Variants in HLA-DRB1 observed in about 807,000 individuals in gnomAD.
HLA-DRB1 encodes the protein major histocompatibility complex, class II, DR beta 1 precursor.
HLA-DRB1 carries 10 observed loss-of-function variants against 27.9 expected under a neutral mutation model. The observed-to-expected ratio is 0.36, with a 90% CI of 0.22 to 0.61. The LOEUF is 0.61. Among genes scored for constraint, HLA-DRB1 ranks in the 20% least tolerant of loss-of-function variants. The probability of loss-of-function intolerance (pLI) is 0.73; values close to 1 mark genes in which losing one functional copy is unlikely to be tolerated. For missense variants in HLA-DRB1, 118 were observed against 306.3 expected (o/e 0.39, Z 4.59); for synonymous variants, 57 against 126.7 (o/e 0.45, Z 3.69).
intron 1 of HLA-DRB1, among the ~76,000 whole-genome samples, chr6:32,586,294 T>G (rs1776381754): frequency 9.9e-6 from 1 of 101,304 alleles, no homozygotes; most frequent in Non-Finnish European, 2.0e-5. Flanking sequence ...CTTAACCTCG[T>G]CCTCACTTTT....
intron 1 of HLA-DRB1, among the ~76,000 whole-genome samples, chr6:32,585,748 A>G (rs9283897): frequency 3.7e-4 from 44 of 120,152 alleles, no homozygotes; most frequent in African/African-American, 9.2e-4. Context: ...GCTGACATAG[A>G]AGAAACGGAC....
intron 4 of HLA-DRB1, 93 bp downstream of exon 4, chr6:32,580,653 G>A (rs3830136): frequency 0.14 from 140,694 of 1,039,886 alleles, 269 homozygotes; most frequent in Non-Finnish European, 0.15. Context: ...CTTTATTCAG[G>A]GCCACTCATA....
At position 32,584,483 on chromosome 6, in the gene HLA-DRB1, T is replaced by C. The variant is rs1776089421; in HGVS notation, c.101-105A>G. ...TGAGCGGGGTGCGGGCGCTGGAACC[T>C]TAACCGGCCCCACCCGCAACGCCCA... On this transcript the variant is annotated intron_variant, in intron 1 of 5. Coordinates refer to ENST00000360004, the Ensembl canonical transcript of HLA-DRB1. The C allele has an allele frequency of 4.4e-5, 29 of 651,954 alleles. 2 individuals carry two copies. The South Asian group carries it at 5.2e-4, about 12-fold the overall frequency. The allele number at this position is 651,954 out of a possible 1,614,324, so 40.4% of individuals were successfully genotyped here. A position where few individuals can be genotyped will look rare whatever the true frequency, so the allele number is the denominator to read the frequency against.
At chr6:32,581,284 G>GC (rs34617615) in intron 3 of HLA-DRB1, among the ~76,000 whole-genome samples, 229 of 37,166 alleles carry the variant, frequency 6.2e-3, no homozygotes, top group African/African-American at 8.5e-3. Context: ...AGGGCCTGGA[G>GC]CCTGGGAGAG....
At chr6:32,585,819 G>T (rs1365126337) in intron 1 of HLA-DRB1, among the ~76,000 whole-genome samples, 2 of 145,770 alleles carry the variant, frequency 1.4e-5, no homozygotes, top group East Asian at 4.1e-4. Flanking sequence ...GTAATACTGG[G>T]TGTTACTTAT....
intron 1 of HLA-DRB1, among the ~76,000 whole-genome samples, chr6:32,586,320 G>A (rs9270071): frequency 0.14 from 10,548 of 76,878 alleles, 1,663 homozygotes; most frequent in African/African-American, 0.16. Context: ...CTCTTCAAAT[G>A]GTCCAATCCA....
intron 1 of HLA-DRB1, among the ~76,000 whole-genome samples, chr6:32,587,419 T>TA (rs538753850): frequency 0.14 from 4,007 of 27,852 alleles, 1,719 homozygotes; most frequent in Middle Eastern, 0.42. Flanking sequence ...AAATAAATAA[T>TA]AAAATTTAAT....
intron 1 of HLA-DRB1, among the ~76,000 whole-genome samples, chr6:32,585,698 A>T (rs9270036): frequency 0.79 from 72,194 of 91,654 alleles, 29,772 homozygotes; most frequent in Middle Eastern, 0.85. Flanking sequence ...GGTTTATGTC[A>T]AATAATGCAG....
At chr6:32,585,061 T>TG (rs9281878) in intron 1 of HLA-DRB1, among the ~76,000 whole-genome samples, 38,694 of 75,268 alleles carry the variant, frequency 0.51, 13,536 homozygotes, top group Middle Eastern at 0.6. Flanking sequence ...GTATTTTATT[T>TG]GTAACTCTAG....
At position 32,580,977 on chromosome 6, in the gene HLA-DRB1, A is replaced by G. The variant is rs35152880; in HGVS notation, c.653-121T>C. 2,306 of 618,792 alleles carry G rather than the reference A, an allele frequency of 3.7e-3. 2 individuals are homozygous for G. Among genetic ancestry groups the G allele is most frequent in the Admixed American group, 0.011 (243 of 21,774 alleles). 38.3% of individuals were successfully genotyped at this position (618,792 alleles called of 1,614,324 possible). Reference sequence around the variant, plus strand: ...CTGCCTCACAAGAACTAAAATAACTAGCCATTTCAGGAGAAAAAAAGGATT... The same window carrying G: ...CTGCCTCACAAGAACTAAAATAACTGGCCATTTCAGGAGAAAAAAAGGATT... On this transcript the variant is annotated intron_variant, in intron 3 of 5. Transcript: ENST00000360004.
At chr6:32,586,084 G>GT (rs1776340079) in intron 1 of HLA-DRB1, among the ~76,000 whole-genome samples, 1 of 89,818 alleles carries the variant, frequency 1.1e-5, no homozygotes, top group African/African-American at 4.5e-5. Flanking sequence ...TTAAATATTG[G>GT]CTGTGTGACA....
chr6:32,580,791 G>A (rs549336174), exon 4 of HLA-DRB1: 2 of 1,613,348 alleles, frequency 1.2e-6, no homozygotes, highest in Non-Finnish European at 8.5e-7. Context: ...CCAAGGAAGA[G>A]CAGGCCCAGC....
intron 1 of HLA-DRB1, 94 bp from the exon 2 acceptor site, chr6:32,584,472 G>T (rs1776087880): frequency 1.7e-6 from 1 of 604,346 alleles, no homozygotes. Context: ...CGGGGTGCGG[G>T]CGCTGGAACC....
chr6:32,585,973 C>G (rs879909843), intron 1 of HLA-DRB1, among the ~76,000 whole-genome samples: 37,693 of 86,104 alleles, frequency 0.44, 9,074 homozygotes, highest in Middle Eastern at 0.59. Context: ...GTGATGGCGA[C>G]TGGATTCATT....
At chr6:32,588,163 T>C (rs1459741520) in intron 1 of HLA-DRB1, among the ~76,000 whole-genome samples, 1 of 115,018 alleles carries the variant, frequency 8.7e-6, no homozygotes, top group Non-Finnish European at 1.9e-5. Context: ...TTATTAAGAG[T>C]CATCTCTTTT....
exon 2 of HLA-DRB1, chr6:32,584,160 A>G (rs17884043): frequency 3.0e-6 from 4 of 1,350,464 alleles, no homozygotes; most frequent in Non-Finnish European, 4.0e-6. Flanking sequence ...TGTCTGCAGT[A>G]GGTGTCCACC....
At position 32,580,745 on chromosome 6, in the gene HLA-DRB1, C is replaced by T. The variant is rs35121789; in HGVS notation, c.763+1G>A. On this transcript the variant is annotated splice_donor_variant, in intron 4 of 5. Coordinates refer to ENST00000360004, the Ensembl canonical transcript of HLA-DRB1. LOFTEE classifies it high-confidence loss of function. ...AGAGCCAGCTCCCAAAGGCTCCTCACCTTTCTGATTCCTGAAGTAGATGAA... is the reference window on the plus strand; with the variant it reads ...AGAGCCAGCTCCCAAAGGCTCCTCATCTTTCTGATTCCTGAAGTAGATGAA... The T allele has an allele frequency of 5.2e-6, 8 of 1,551,248 alleles. No individual in the cohort carries two copies. The highest frequency in any genetic ancestry group is 1.8e-5 in the Admixed American group (1 of 56,830).
intron 2 of HLA-DRB1, among the ~76,000 whole-genome samples, chr6:32,582,695 G>T (rs780426870): frequency 1.1e-5 from 1 of 92,278 alleles, no homozygotes; most frequent in Admixed American, 1.3e-4. Context: ...ACATTTAGCT[G>T]ATCAATGCAT....
intron 1 of HLA-DRB1, among the ~76,000 whole-genome samples, chr6:32,588,997 C>T (rs34896989): frequency 0.34 from 26,735 of 78,274 alleles, 4,790 homozygotes; most frequent in Middle Eastern, 0.49. Flanking sequence ...TGTAAGGTGA[C>T]TCCAAGTATT....
Sources: gnomAD v4.1 joint callset for allele counts (sites outside exome capture counted in the v4.1 genomes callset) on GRCh38, gnomAD v4.1.1 for gene constraint, MANE v1.5 for transcripts, NCBI Gene and HGNC (gene_info 2026-07-23, HGNC 2026-07-21) for gene names.